The following CYB5R4 variants were observed in gnomAD, a reference collection of about 807,000 sequenced individuals.
CYB5R4 encodes the protein cytochrome b5 reductase 4, also known as N-terminal cytochrome b5 and cytochrome b5 oxidoreductase domain-containing protein.
In CYB5R4, 55 loss-of-function variants were observed where a neutral mutation model predicts 70.2. The observed-to-expected ratio is 0.78, with a 90% confidence interval of 0.63 to 0.98. CYB5R4 has a LOEUF of 0.98. Ranked by LOEUF, CYB5R4 falls within the 50% of genes least tolerant of loss-of-function variation. The pLI is 0.00. For synonymous variants in CYB5R4, 197 were observed against 199.5 expected, an observed-to-expected ratio of 0.99 and a Z score of 0.11; for missense variants, 562 against 612.6, an observed-to-expected ratio of 0.92 and a Z score of 0.87.
chr6:83,921,418 T>G (rs997852053), intron 8 of CYB5R4, among the ~76,000 whole-genome samples: 1 of 152,222 alleles, frequency 6.6e-6, no homozygotes, highest in Non-Finnish European at 1.5e-5. Context: ...TATAAAATAC[T>G]TGTTGGCCCA....
chr6:83,910,283 T>C, intron 4 of CYB5R4: 1 of 694,064 alleles, frequency 1.4e-6, no homozygotes, highest in Non-Finnish European at 2.4e-6. Flanking sequence ...ATTGGTAAAA[T>C]GGAGACAATT....
At chr6:83,907,028 A>G (rs1484602275) in intron 3 of CYB5R4, among the ~76,000 whole-genome samples, 1 of 152,180 alleles carries the variant, frequency 6.6e-6, no homozygotes, top group East Asian at 1.9e-4. Flanking sequence ...TATACATGCA[A>G]ATATTTTCTC....
chr6:83,915,309 G>A (rs1466926229), intron 5 of CYB5R4, among the ~76,000 whole-genome samples: 1 of 152,140 alleles, frequency 6.6e-6, no homozygotes, highest in East Asian at 1.9e-4. Context: ...TTACAGAAAT[G>A]CAACTAACAA....
At chr6:83,915,632 T>C (rs1272581878) in intron 5 of CYB5R4, among the ~76,000 whole-genome samples, 1 of 152,352 alleles carries the variant, frequency 6.6e-6, no homozygotes, top group East Asian at 1.9e-4. Flanking sequence ...AAAGGTGGCA[T>C]TAAGTATGGA....
chr6:83,867,605 A>C (rs1016081752), intron 2 of CYB5R4, among the ~76,000 whole-genome samples: 2 of 152,246 alleles, frequency 1.3e-5, no homozygotes, highest in African/African-American at 2.4e-5. Flanking sequence ...GACAAAGGTC[A>C]TGGAATAATA....
At chr6:83,928,591 G>A (rs1269373150) in intron 10 of CYB5R4, among the ~76,000 whole-genome samples, 1 of 152,210 alleles carries the variant, frequency 6.6e-6, no homozygotes, top group Non-Finnish European at 1.5e-5. Context: ...ATTTTGCTGG[G>A]TGTAGAGAGA....
intron 1 of CYB5R4, among the ~76,000 whole-genome samples, chr6:83,862,250 A>G (rs2099456074): frequency 6.6e-6 from 1 of 152,252 alleles, no homozygotes; most frequent in African/African-American, 2.4e-5. Context: ...GACACAGAAT[A>G]TGCACTCAAC....
chr6:83,904,274 C>T (rs1025136808), intron 3 of CYB5R4, among the ~76,000 whole-genome samples: 1 of 152,002 alleles, frequency 6.6e-6, no homozygotes, highest in African/African-American at 2.4e-5. Context: ...TTTTTTATTT[C>T]CATTTTAATT....
intron 15 of CYB5R4, among the ~76,000 whole-genome samples, chr6:83,959,327 C>G (rs1442838842): frequency 6.6e-6 from 1 of 152,072 alleles, no homozygotes; most frequent in African/African-American, 2.4e-5. Flanking sequence ...GAACCTGTGT[C>G]TGATCAAGCC....
rs1303618523 is a variant in CYB5R4, at chr6:83,960,501, A to G, written c.*623A>G. The G allele has an allele frequency of 1.3e-5, 2 of 152,262 alleles. No individual in the cohort carries two copies. Among genetic ancestry groups the G allele is most frequent in the Non-Finnish European group, 2.9e-5 (2 of 68,060 alleles). The allele number at this position is 152,262 out of a possible 1,614,324, so 9.4% of individuals were successfully genotyped here. A position where few individuals can be genotyped will look rare whatever the true frequency, so the allele number is the denominator to read the frequency against. On this transcript the variant is annotated 3_prime_UTR_variant, in exon 16 of 16. Transcript: ENST00000369681. ...TCAAGGGGAATTTTAAAAGGCAGCA[A>G]TAAAATATATTAGAGACATGACACA...
chr6:83,950,119 T>C (rs952172125), intron 14 of CYB5R4, among the ~76,000 whole-genome samples: 2 of 152,134 alleles, frequency 1.3e-5, no homozygotes, highest in Non-Finnish European at 2.9e-5. Context: ...AGATACTTCA[T>C]GAATAATTTT....
intron 2 of CYB5R4, among the ~76,000 whole-genome samples, chr6:83,870,951 G>T (rs866136391): frequency 2.8e-4 from 39 of 141,724 alleles, no homozygotes; most frequent in Middle Eastern, 3.9e-3. Flanking sequence ...AGTGGTACAT[G>T]TCCCTTCTTT....
rs1014062698 is a variant in CYB5R4 at position 83,965,465 on chromosome 6, C to T, written c.*5587C>T. ...AACCCCTTTGTTTTGGCCAATTTCT[C>T]CCATTTGGAATGGCTGTATTTACCC... On this transcript the variant is annotated 3_prime_UTR_variant, in exon 16 of 16. Transcript: ENST00000369681. 2 of 152,148 alleles carry T rather than the reference C, an allele frequency of 1.3e-5. No homozygotes were observed. Among genetic ancestry groups the T allele is most frequent in the Non-Finnish European group, 2.9e-5 (2 of 68,038 alleles). The allele number at this position is 152,148 out of a possible 1,614,324, so 9.4% of individuals were successfully genotyped here.
At chr6:83,944,826 C>A (rs1268693396) in intron 14 of CYB5R4, among the ~76,000 whole-genome samples, 1 of 151,526 alleles carries the variant, frequency 6.6e-6, no homozygotes, top group East Asian at 1.9e-4. Flanking sequence ...CAACAAAGAT[C>A]AAAAAAGACA....
At chr6:83,866,310 G>A (rs2129127822) in intron 2 of CYB5R4, among the ~76,000 whole-genome samples, 1 of 152,172 alleles carries the variant, frequency 6.6e-6, no homozygotes, top group East Asian at 1.9e-4. Flanking sequence ...TACAGGTTGA[G>A]TATCCCTTAT....
chr6:83,903,098 G>A (rs935902227), intron 3 of CYB5R4, among the ~76,000 whole-genome samples: 1 of 152,072 alleles, frequency 6.6e-6, no homozygotes, highest in African/African-American at 2.4e-5. Flanking sequence ...TCTTGTTCCA[G>A]TTCTTAGTGA....
At chr6:83,943,038 C>A (rs2099470011) in intron 14 of CYB5R4, among the ~76,000 whole-genome samples, 1 of 152,198 alleles carries the variant, frequency 6.6e-6, no homozygotes, top group Non-Finnish European at 1.5e-5. Flanking sequence ...GGCACAGCTT[C>A]AGCAGACTTA....
chr6:83,863,739 A>T (rs547813346), intron 1 of CYB5R4, among the ~76,000 whole-genome samples: 3 of 152,314 alleles, frequency 2.0e-5, no homozygotes, highest in African/African-American at 7.2e-5. Flanking sequence ...ATACAACAAT[A>T]AAAAAATAAG....
rs1457687666 is a variant in CYB5R4 at position 83,947,919 on chromosome 6, G to A, written c.1346+7318G>A. 2.0e-5 allele frequency among the ~76,000 whole-genome samples: 3 copies of A among 152,184 alleles called. No individual in the cohort carries two copies. The East Asian group carries it at 5.8e-4, about 29-fold the overall frequency. On this transcript the variant is annotated intron_variant, in intron 14 of 15. Coordinates refer to ENST00000369681, the MANE Select transcript of CYB5R4 (RefSeq NM_016230.4). ...AAATAGGAACACTTTTACACTGTTG[G>A]CAGGAGTGCAAATTAGTTCAACCCT...
Sources: gnomAD v4.1 joint callset for allele counts (sites outside exome capture counted in the v4.1 genomes callset) on GRCh38, gnomAD v4.1.1 for gene constraint, MANE v1.5 for transcripts, NCBI Gene and HGNC (gene_info 2026-07-23, HGNC 2026-07-21) for gene names.